The following DCDC1 variants were observed in gnomAD, a reference collection of about 807,000 sequenced individuals.
DCDC1 encodes doublecortin domain-containing protein 1.
DCDC1 carries 200 observed loss-of-function variants against 178.3 expected under a neutral mutation model. The observed-to-expected ratio is 1.12, with a 90% confidence interval of 1.00 to 1.26. The LOEUF is 1.26. Among genes scored for constraint, DCDC1 ranks in the 50% most tolerant of loss-of-function variants. The probability of loss-of-function intolerance (pLI) is 0.00; values close to 1 mark genes in which losing one functional copy is unlikely to be tolerated. For synonymous variants in DCDC1, 690 were observed against 604.8 expected, an observed-to-expected ratio of 1.14 and a Z score of -2.07; for missense variants, 1,983 against 1,749.2, an observed-to-expected ratio of 1.13 and a Z score of -2.38.
chr11:31,294,796 GAAAAAGAAAGAAAGAAAGAAAGAA>G (rs1326912199), intron 6 of DCDC1, among the ~76,000 whole-genome samples: 191 of 118,566 alleles, frequency 1.6e-3, no homozygotes, highest in Middle Eastern at 7.8e-3. Flanking sequence ...GAAAAATAAA[GAAAAAGAAAGAAAGAAAGAAAGAA>G]AGAAAGAAAG....
intron 20 of DCDC1, among the ~76,000 whole-genome samples, chr11:31,022,524 C>T (rs963388992): frequency 4.6e-5 from 7 of 151,982 alleles, no homozygotes; most frequent in Non-Finnish European, 2.9e-5. Flanking sequence ...CAATTCAACC[C>T]ATGAGACCTT....
chr11:30,903,738 G>A lies in DCDC1; in HGVS notation c.4309-55C>T, dbSNP rs1944871453. ...AGGCAAAGGTGATAGCATTGGGAAT[G>A]ATCATTAAGAGCTTGTCATTCTAAA... On this transcript the variant is annotated intron_variant, in intron 31 of 38. Coordinates refer to ENST00000684477, the MANE Select transcript of DCDC1 (RefSeq NM_001387274.1). The A allele has an allele frequency of 4.5e-6, 6 of 1,342,262 alleles. No homozygotes were observed. The Admixed American group carries it at 8.8e-5, about 20-fold the overall frequency. The allele number at this position is 1,342,262 out of a possible 1,614,324, so 83.1% of individuals were successfully genotyped here.
intron 36 of DCDC1, among the ~76,000 whole-genome samples, chr11:30,886,477 G>A (rs1943181589): frequency 6.6e-6 from 1 of 152,154 alleles, no homozygotes; most frequent in Admixed American, 6.5e-5. Context: ...GGAAGTTGAA[G>A]ATCAAGGTGC....
At chr11:31,324,591 A>C (rs1413924241) in intron 3 of DCDC1, among the ~76,000 whole-genome samples, 1 of 152,140 alleles carries the variant, frequency 6.6e-6, no homozygotes, top group East Asian at 1.9e-4. Flanking sequence ...CAGGAGTCTA[A>C]AACAGTGAAG....
At chr11:31,218,022 A>G (rs888579018) in intron 9 of DCDC1, among the ~76,000 whole-genome samples, 1 of 152,078 alleles carries the variant, frequency 6.6e-6, no homozygotes, top group Non-Finnish European at 1.5e-5. Flanking sequence ...ATGCAGAAAT[A>G]TCTCCTCTCT....
At chr11:30,910,087 G>A (rs1244910412) in intron 28 of DCDC1, among the ~76,000 whole-genome samples, 1 of 152,092 alleles carries the variant, frequency 6.6e-6, no homozygotes, top group African/African-American at 2.4e-5. Context: ...GACAGAAAAG[G>A]GTCTAGTAGC....
chr11:30,888,446 G>A (rs1196957196), intron 36 of DCDC1, among the ~76,000 whole-genome samples: 1 of 152,202 alleles, frequency 6.6e-6, no homozygotes, highest in Admixed American at 6.5e-5. Context: ...GGCTGGGCAC[G>A]GTGGCTCACG....
At chr11:30,901,038 G>A (rs1408983846) in intron 32 of DCDC1, among the ~76,000 whole-genome samples, 1 of 151,862 alleles carries the variant, frequency 6.6e-6, no homozygotes, top group Non-Finnish European at 1.5e-5. Context: ...GTTTTTACTT[G>A]CTAGAGATAA....
intron 9 of DCDC1, among the ~76,000 whole-genome samples, chr11:31,239,958 T>G (rs564603823): frequency 1.3e-5 from 2 of 151,994 alleles, no homozygotes; most frequent in East Asian, 3.9e-4. Flanking sequence ...ATGCCATTAT[T>G]TCTGGGATGT....
intron 1 of DCDC1, among the ~76,000 whole-genome samples, chr11:31,352,363 A>C (rs1040651411): frequency 6.6e-6 from 1 of 152,184 alleles, no homozygotes; most frequent in Admixed American, 6.5e-5. Context: ...ATGATATACA[A>C]GAATAATTAG....
intron 3 of DCDC1, among the ~76,000 whole-genome samples, chr11:31,326,835 T>A (rs183806320): frequency 7.9e-5 from 12 of 152,306 alleles, no homozygotes; most frequent in African/African-American, 2.6e-4. Context: ...GAATAATATA[T>A]TGATTTTCTT....
At chr11:30,909,668 C>A (rs902466077) in intron 28 of DCDC1, among the ~76,000 whole-genome samples, 5 of 151,994 alleles carry the variant, frequency 3.3e-5, no homozygotes, top group African/African-American at 9.7e-5. Flanking sequence ...ATTTTCCTTA[C>A]ATTCTTGCCA....
intron 10 of DCDC1, among the ~76,000 whole-genome samples, chr11:31,135,214 A>T (rs1962979039): frequency 6.6e-6 from 1 of 152,194 alleles, no homozygotes; most frequent in African/African-American, 2.4e-5. Flanking sequence ...CTAAGAATGT[A>T]TTTGTATACA....
intron 13 of DCDC1, among the ~76,000 whole-genome samples, chr11:31,106,262 T>G (rs551289509): frequency 6.6e-6 from 1 of 152,356 alleles, no homozygotes; most frequent in Non-Finnish European, 1.5e-5. Flanking sequence ...CTTTACCAAT[T>G]TATCTTTAGC....
At chr11:30,947,867 G>GA (rs941270141) in intron 21 of DCDC1, among the ~76,000 whole-genome samples, 10 of 150,360 alleles carry the variant, frequency 6.7e-5, no homozygotes, top group East Asian at 3.9e-4. Flanking sequence ...AACTCAATAG[G>GA]AAAAAAAAAT....
chr11:31,089,740 T>C (rs1286230944), intron 17 of DCDC1, among the ~76,000 whole-genome samples: 2 of 152,122 alleles, frequency 1.3e-5, no homozygotes, highest in Non-Finnish European at 2.9e-5. Flanking sequence ...TTAGTATACT[T>C]TGTCTCATAT....
chr11:31,169,746 T>C (rs915980445), intron 9 of DCDC1, among the ~76,000 whole-genome samples: 1 of 152,176 alleles, frequency 6.6e-6, no homozygotes, highest in African/African-American at 2.4e-5. Context: ...AGCATGCATA[T>C]AAACACAAGG....
At chr11:30,963,808 T>A (rs1278624996) in intron 20 of DCDC1, among the ~76,000 whole-genome samples, 1 of 152,170 alleles carries the variant, frequency 6.6e-6, no homozygotes, top group Non-Finnish European at 1.5e-5. Context: ...CTTTCTAGTA[T>A]AATCTTGGGT....
rs189374439 is a variant in DCDC1 at position 31,081,435 on chromosome 11, T to A, written c.2238-3510A>T. On this transcript the variant is annotated intron_variant, in intron 17 of 38. Transcript: ENST00000684477. ...TCATCCTGGCTAACATGGTGAAACC[T>A]CGTCTCTACTAAAAATACAAAAAAA... Among the ~76,000 whole-genome samples, 19 of 151,958 alleles carry A rather than the reference T, an allele frequency of 1.3e-4. No homozygotes were observed. In the East Asian group the frequency reaches 2.0e-3, roughly 16 times the overall value.
Sources: gnomAD v4.1 joint callset for allele counts (sites outside exome capture counted in the v4.1 genomes callset) on GRCh38, gnomAD v4.1.1 for gene constraint, MANE v1.5 for transcripts, NCBI Gene and HGNC (gene_info 2026-07-23, HGNC 2026-07-21) for gene names.